Variants in EIPR1 observed in about 807,000 individuals in gnomAD.
EIPR1 encodes the protein EARP complex and GARP complex interacting protein 1.
Under a neutral mutation model 48.1 loss-of-function variants are expected in EIPR1, and 25 were observed. The ratio of observed to expected loss-of-function variants is 0.52; its 90% CI spans 0.38 to 0.73. The LOEUF is 0.73. EIPR1 is among the 30% of genes least tolerant of loss of function. The pLI is 0.00. For synonymous variants in EIPR1, 204 were observed against 201.9 expected (o/e 1.01, Z -0.09); for missense variants, 415 against 506.2 (o/e 0.82, Z 1.73).
chr2:3,266,127 G>A (rs1266136182), intron 3 of EIPR1, among the ~76,000 whole-genome samples: 1 of 152,232 alleles, frequency 6.6e-6, no homozygotes, highest in Non-Finnish European at 1.5e-5. Context: ...AAGGCTTACA[G>A]GAATTCAAAG....
intron 4 of EIPR1, among the ~76,000 whole-genome samples, chr2:3,240,635 C>T (rs1260294660): frequency 6.5e-5 from 1 of 15,274 alleles, no homozygotes. Flanking sequence ...GCCAGCAGAT[C>T]CCTCCTAAAG....
intron 5 of EIPR1, 23 bp from the exon 6 acceptor site, chr2:3,197,040 CAAAGGAAGAAG>C: frequency 6.2e-7 from 1 of 1,611,688 alleles, no homozygotes; most frequent in Non-Finnish European, 8.5e-7. Context: ...CGATGTTTTC[CAAAGGAAGAAG>C]AAAAGAAGAA....
intron 7 of EIPR1, 40 bp from the exon 8 acceptor site, chr2:3,192,621 C>T (rs745567660): frequency 1.3e-5 from 21 of 1,599,394 alleles, no homozygotes; most frequent in East Asian, 9.0e-5. Flanking sequence ...AACTGTCACC[C>T]GCAGGCAACA....
Position 3,189,756 on chromosome 2 carries a change from G to T in EIPR1, c.990-248C>A, listed in dbSNP as rs1437047535. 1.3e-5 allele frequency among the ~76,000 whole-genome samples: 2 copies of T among 152,166 alleles called. No homozygotes were observed. The highest frequency in any genetic ancestry group is 2.9e-5 in the Non-Finnish European group (2 of 68,028). Reference sequence around the variant, plus strand: ...TTTCTCAAAAGGTTTATGGAAATCGGCGACATTGGCACATGGTGTCTTGGT... The same window carrying T: ...TTTCTCAAAAGGTTTATGGAAATCGTCGACATTGGCACATGGTGTCTTGGT... On this transcript the variant is annotated intron_variant, in intron 8 of 8. Coordinates refer to ENST00000382125, the MANE Select transcript of EIPR1 (RefSeq NM_003310.5). This position sits in a 1 kb window ranked among gnomAD's most constrained non-coding sequence, Gnocchi z 4.6.
At chr2:3,343,723 G>A (rs1235022532) in intron 2 of EIPR1, among the ~76,000 whole-genome samples, 3 of 152,176 alleles carry the variant, frequency 2.0e-5, no homozygotes, top group African/African-American at 7.2e-5. Flanking sequence ...GCAAGAATCG[G>A]GGCTTGGAGA....
intron 3 of EIPR1, among the ~76,000 whole-genome samples, chr2:3,321,781 T>G (rs1294325264): frequency 6.6e-6 from 1 of 152,172 alleles, no homozygotes; most frequent in Non-Finnish European, 1.5e-5. Context: ...AACCCTCTAG[T>G]TCAGCACCTT....
intron 5 of EIPR1, chr2:3,208,708 G>A (rs1665322295): frequency 1.9e-6 from 3 of 1,550,152 alleles, no homozygotes; most frequent in Non-Finnish European, 1.7e-6. Context: ...CACTCGGCGG[G>A]TCCTTCTTCC....
At chr2:3,198,795 A>C (rs1324078843) in intron 5 of EIPR1, among the ~76,000 whole-genome samples, 1 of 152,140 alleles carries the variant, frequency 6.6e-6, no homozygotes, top group Non-Finnish European at 1.5e-5. Flanking sequence ...GCAACAGAAG[A>C]TCACAAGGCA....
At chr2:3,371,827 A>C (rs1671123207) in intron 1 of EIPR1, among the ~76,000 whole-genome samples, 1 of 152,204 alleles carries the variant, frequency 6.6e-6, no homozygotes, top group Admixed American at 6.5e-5. Flanking sequence ...GATCAACGAC[A>C]CAGAAAGTTA....
intron 4 of EIPR1, among the ~76,000 whole-genome samples, chr2:3,252,567 G>C (rs953642334): frequency 6.6e-6 from 1 of 152,114 alleles, no homozygotes; most frequent in Admixed American, 6.5e-5. Context: ...CTCCAGCCTG[G>C]GTGACAGAGG....
intron 3 of EIPR1, among the ~76,000 whole-genome samples, chr2:3,266,357 C>T (rs1031221746): frequency 2.0e-5 from 3 of 152,218 alleles, no homozygotes; most frequent in African/African-American, 7.2e-5. Context: ...AAATGACAGC[C>T]TCACTGGGCG....
chr2:3,200,984 G>A lies in EIPR1; in HGVS notation c.517-3967C>T, dbSNP rs182410911. The stretch of plus-strand genomic sequence containing the variant: ...CGGCAGCATGTGCAGCAGCTCGGAC[G>A]CTGGACTCAAACTAGCGCTAGCAAA... On this transcript the variant is annotated intron_variant, in intron 5 of 8. Transcript: ENST00000382125. Among the ~76,000 whole-genome samples, 560 of 152,284 alleles carry A rather than the reference G, an allele frequency of 3.7e-3. 5 individuals are homozygous for A. The highest frequency in any genetic ancestry group is 0.017 in the Middle Eastern group (5 of 294).
Position 3,367,655 on chromosome 2 carries a change from A to G in EIPR1, c.42+9993T>C, listed in dbSNP as rs1021101096. 2.0e-5 allele frequency among the ~76,000 whole-genome samples: 3 copies of G among 152,366 alleles called. 1 individual carries two copies. Among genetic ancestry groups the G allele is most frequent in the Admixed American group, 2.0e-4 (3 of 15,296 alleles). Reference sequence around the variant, plus strand: ...TTTCTAAGGATGCAAACGCTGGGCCAATATTTAAAAAGCTATTAATGTAAC... The same window carrying G: ...TTTCTAAGGATGCAAACGCTGGGCCGATATTTAAAAAGCTATTAATGTAAC... On this transcript the variant is annotated intron_variant, in intron 1 of 8. Transcript: ENST00000382125.
chr2:3,291,004 A>AT (rs1483224590), intron 3 of EIPR1, among the ~76,000 whole-genome samples: 3 of 152,154 alleles, frequency 2.0e-5, no homozygotes, highest in Non-Finnish European at 4.4e-5. Context: ...CAGTTTTCTG[A>AT]TTAGGAAGTA....
intron 3 of EIPR1, among the ~76,000 whole-genome samples, chr2:3,303,676 C>T (rs531498708): frequency 9.2e-5 from 14 of 152,342 alleles, no homozygotes; most frequent in Admixed American, 2.0e-4. Flanking sequence ...AAGGAGCAGC[C>T]ACAAACCCGC....
intron 1 of EIPR1, among the ~76,000 whole-genome samples, chr2:3,363,109 GT>G (rs1354046663): frequency 6.6e-6 from 1 of 152,088 alleles, no homozygotes; most frequent in African/African-American, 2.4e-5. Context: ...ACACTATGTC[GT>G]CAGCATTCCT....
chr2:3,239,699 C>T (rs1375534339), intron 4 of EIPR1, among the ~76,000 whole-genome samples: 3 of 151,626 alleles, frequency 2.0e-5, no homozygotes, highest in East Asian at 3.9e-4. Flanking sequence ...TTCCTGGCTG[C>T]TCATTAACCC....
chr2:3,329,640 G>A (rs1029765539), intron 3 of EIPR1, among the ~76,000 whole-genome samples: 2 of 147,720 alleles, frequency 1.4e-5, no homozygotes, highest in Admixed American at 6.7e-5. Flanking sequence ...AATAATCTCC[G>A]AGTGCCAGCC....
chr2:3,354,980 CAGA>C (rs1670685735), intron 1 of EIPR1, among the ~76,000 whole-genome samples: 1 of 152,182 alleles, frequency 6.6e-6, no homozygotes. Context: ...AACAATACAG[CAGA>C]AAATAGCTTC....
Sources: gnomAD v4.1 joint callset for allele counts (sites outside exome capture counted in the v4.1 genomes callset) on GRCh38, gnomAD v4.1.1 for gene constraint, Gnocchi (gnomAD v3.1) non-coding constraint, MANE v1.5 for transcripts, NCBI Gene and HGNC (gene_info 2026-07-23, HGNC 2026-07-21) for gene names.